Variants in EYS observed in about 807,000 individuals in gnomAD.
The protein encoded by EYS is EGF-like photoreceptor maintenance factor.
Under a neutral mutation model 282.1 loss-of-function variants are expected in EYS, and 250 were observed. The observed-to-expected ratio is 0.89, with a 90% CI of 0.80 to 0.98. EYS has a LOEUF of 0.98. Ranked by LOEUF, EYS falls within the 50% of genes least tolerant of loss-of-function variation. The pLI is 0.00. For missense variants in EYS, 4,016 were observed against 3,709.0 expected, an observed-to-expected ratio of 1.08 and a Z score of -2.15; for synonymous variants, 1,355 against 1,282.9, an observed-to-expected ratio of 1.06 and a Z score of -1.20.
chr6:65,589,697 A>G (rs891027642), intron 2 of EYS, among the ~76,000 whole-genome samples: 6 of 152,040 alleles, frequency 3.9e-5, no homozygotes, highest in African/African-American at 1.4e-4. Flanking sequence ...TAAAAAAATT[A>G]AATTAAATCT....
intron 2 of EYS, among the ~76,000 whole-genome samples, chr6:65,553,849 CTCATAT>C (rs1168091499): frequency 6.8e-4 from 103 of 152,098 alleles, no homozygotes; most frequent in African/African-American, 2.4e-3. Flanking sequence ...TTATTACATA[CTCATAT>C]TCATTAATCA....
chr6:65,695,336 T>C (rs940530548), intron 1 of EYS, among the ~76,000 whole-genome samples: 3 of 152,124 alleles, frequency 2.0e-5, no homozygotes, highest in East Asian at 1.9e-4. Flanking sequence ...GTAGGATTAA[T>C]AATATTTCCC....
intron 30 of EYS, among the ~76,000 whole-genome samples, chr6:64,288,750 G>A (rs1768590398): frequency 6.6e-6 from 1 of 151,986 alleles, no homozygotes; most frequent in South Asian, 2.1e-4. Flanking sequence ...TCCTCTTTTG[G>A]TGGTATCTGC....
chr6:65,704,492 T>C (rs1052515883), intron 1 of EYS, among the ~76,000 whole-genome samples: 4 of 152,214 alleles, frequency 2.6e-5, no homozygotes, highest in African/African-American at 9.6e-5. Context: ...CAGGTTTACA[T>C]TTACTTGTTC....
At chr6:64,754,088 G>A (rs927251159) in intron 22 of EYS, among the ~76,000 whole-genome samples, 3 of 151,960 alleles carry the variant, frequency 2.0e-5, no homozygotes, top group African/African-American at 7.2e-5. Flanking sequence ...TCAGGCTTCT[G>A]GGATACAGCA....
chr6:64,395,263 C>T (rs1335855642), intron 28 of EYS, among the ~76,000 whole-genome samples: 5 of 152,016 alleles, frequency 3.3e-5, no homozygotes, highest in Admixed American at 1.3e-4. Flanking sequence ...ACCATTTGAC[C>T]CAGCCATCCC....
At chr6:65,443,665 G>A (rs748875668) in intron 5 of EYS, among the ~76,000 whole-genome samples, 34 of 150,206 alleles carry the variant, frequency 2.3e-4, no homozygotes, top group East Asian at 5.9e-4. Flanking sequence ...ACACATATAC[G>A]TATACATCAT....
chr6:64,045,872 C>T (rs1386595506), intron 33 of EYS, among the ~76,000 whole-genome samples: 1 of 135,194 alleles, frequency 7.4e-6, no homozygotes, highest in Non-Finnish European at 1.7e-5. Flanking sequence ...CACATATGTA[C>T]CATACATTTT....
At chr6:64,886,635 G>C (rs1324104742) in intron 19 of EYS, 62 bp downstream of exon 19, 1 of 1,344,074 alleles carries the variant, frequency 7.4e-7, no homozygotes, top group Non-Finnish European at 9.9e-7. Flanking sequence ...GTATAAATAT[G>C]AGGTTTCTAT....
chr6:64,874,870 A>G (rs16895902), intron 19 of EYS, among the ~76,000 whole-genome samples: 5,688 of 152,116 alleles, frequency 0.037, 191 homozygotes, highest in East Asian at 0.16. Flanking sequence ...CACATCGTGT[A>G]TGAAAAGATC....
rs200659799 is a variant in EYS, at chr6:64,295,514, GAAGA to G, written c.6191+11452_6191+11455del. ...AGAAGAAGAAAGAAGAAAGAAGAAAGAAGAAAGAAGAAAGAAGAAGAAAGAAGAA... is the reference window on the plus strand; with the variant it reads ...AGAAGAAGAAAGAAGAAAGAAGAAAGAAGAAGAAAGAAGAAGAAAGAAGAA... On this transcript the variant is annotated intron_variant, in intron 30 of 42. Transcript: ENST00000503581. Among the ~76,000 whole-genome samples, 134 of 28,654 alleles carry G rather than the reference GAAGA, an allele frequency of 4.7e-3. 19 individuals carry two copies. The highest frequency in any genetic ancestry group is 0.02 in the East Asian group (36 of 1,792). The allele number at this position is 28,654 out of a possible 152,430, so 18.8% of individuals were successfully genotyped here.
At chr6:65,603,348 A>G (rs1261630985) in intron 2 of EYS, among the ~76,000 whole-genome samples, 1 of 151,210 alleles carries the variant, frequency 6.6e-6, no homozygotes, top group Non-Finnish European at 1.5e-5. Context: ...TGGACCATGG[A>G]CTTGAGATTT....
intron 12 of EYS, among the ~76,000 whole-genome samples, chr6:65,104,268 C>G (rs773798244): frequency 1.3e-4 from 20 of 151,334 alleles, no homozygotes; most frequent in Non-Finnish European, 2.4e-4. Context: ...GTGGGAGAAA[C>G]AGATTATTTT....
Position 65,076,047 on chromosome 6 carries a change from A to T in EYS, c.2024-18320T>A, listed in dbSNP as rs376027185. ...AAGTTACTTTACAGTCCAAATGACA[A>T]CTACATAATTTAATGATAAGAGGTT... On this transcript the variant is annotated intron_variant, in intron 12 of 42. Transcript: ENST00000503581. 9.9e-5 allele frequency among the ~76,000 whole-genome samples: 15 copies of T among 152,178 alleles called. No homozygotes were observed. The East Asian group carries it at 1.7e-3, about 18-fold the overall frequency.
intron 41 of EYS, among the ~76,000 whole-genome samples, chr6:63,731,950 C>G (rs568055240): frequency 6.3e-4 from 95 of 151,986 alleles, no homozygotes; most frequent in African/African-American, 2.2e-3. Context: ...TTTCCTTTGG[C>G]TGGATTTAAC....
intron 35 of EYS, among the ~76,000 whole-genome samples, chr6:63,983,904 T>C (rs1767225408): frequency 6.6e-6 from 1 of 151,730 alleles, no homozygotes; most frequent in Non-Finnish European, 1.5e-5. Context: ...GGATATAGGA[T>C]TGCAAATAAA....
chr6:65,618,924 G>A (rs1273627545), intron 2 of EYS, among the ~76,000 whole-genome samples: 4 of 152,000 alleles, frequency 2.6e-5, no homozygotes, highest in Non-Finnish European at 4.4e-5. Flanking sequence ...CTCTGTTTTG[G>A]TACCAGTACC....
At chr6:63,812,753 A>G (rs149086360) in intron 36 of EYS, among the ~76,000 whole-genome samples, 26 of 152,270 alleles carry the variant, frequency 1.7e-4, no homozygotes, top group African/African-American at 6.3e-4. Flanking sequence ...CTGCACTTAT[A>G]GAGCTACTGG....
intron 13 of EYS, among the ~76,000 whole-genome samples, chr6:65,005,627 C>A (rs773565110): frequency 6.8e-6 from 1 of 147,738 alleles, no homozygotes; most frequent in Non-Finnish European, 1.5e-5. Flanking sequence ...ATTAGCATGG[C>A]CGCTGGACTT....
Sources: gnomAD v4.1 joint callset for allele counts (sites outside exome capture counted in the v4.1 genomes callset) on GRCh38, gnomAD v4.1.1 for gene constraint, MANE v1.5 for transcripts, NCBI Gene and HGNC (gene_info 2026-07-23, HGNC 2026-07-21) for gene names.